The following UNC80 variants were observed in gnomAD, a reference collection of about 807,000 sequenced individuals.
The protein encoded by UNC80 is unc-80 subunit of NALCN channel complex.
In UNC80, 164 loss-of-function variants were observed where a neutral mutation model predicts 384.6. That is an observed-to-expected ratio of 0.43 (90% CI 0.38 to 0.49). The LOEUF (loss-of-function observed/expected upper bound fraction) is 0.49. UNC80 is among the 20% of genes least tolerant of loss of function. The pLI is 0.00. For missense variants in UNC80, 3,330 were observed against 4,143.0 expected (o/e 0.80, Z 5.39); for synonymous variants, 1,486 against 1,527.8 (o/e 0.97, Z 0.64).
At chr2:209,970,703 A>T (rs2092859146) in intron 53 of UNC80, 129 bp from the exon 54 acceptor site, 1 of 1,226,194 alleles carries the variant, frequency 8.2e-7, no homozygotes, top group African/African-American at 1.5e-5. Context: ...ACAAGAAAGA[A>T]AAGATTGAAA....
chr2:209,879,886 A>G (rs1428464717), intron 24 of UNC80, among the ~76,000 whole-genome samples: 1 of 152,212 alleles, frequency 6.6e-6, no homozygotes, highest in Non-Finnish European at 1.5e-5. Context: ...CGATAGCTTA[A>G]ATATCTACAG....
intron 22 of UNC80, among the ~76,000 whole-genome samples, chr2:209,866,752 A>G (rs73076801): frequency 0.068 from 10,306 of 152,194 alleles, 1,177 homozygotes; most frequent in African/African-American, 0.24. Context: ...ATCAACTTTC[A>G]TCATCTAATT....
At chr2:209,856,013 T>C (rs2082886888) in intron 22 of UNC80, among the ~76,000 whole-genome samples, 1 of 152,292 alleles carries the variant, frequency 6.6e-6, no homozygotes, top group South Asian at 2.1e-4. Flanking sequence ...AGTAAAATTA[T>C]TGAGTTACAA....
intron 7 of UNC80, among the ~76,000 whole-genome samples, chr2:209,812,520 A>G (rs938122747): frequency 6.6e-6 from 1 of 152,096 alleles, no homozygotes; most frequent in African/African-American, 2.4e-5. Context: ...GTTTTTTGTG[A>G]GAGCACTTTG....
intron 53 of UNC80, chr2:209,970,235 A>G (rs1408617737): frequency 9.6e-5 from 24 of 250,874 alleles, no homozygotes; most frequent in Non-Finnish European, 1.5e-5. Flanking sequence ...GGGGTGGGGA[A>G]CTTAAAATGC....
intron 23 of UNC80, among the ~76,000 whole-genome samples, chr2:209,875,964 C>A (rs1333063332): frequency 6.6e-6 from 1 of 152,082 alleles, no homozygotes; most frequent in African/African-American, 2.4e-5. Flanking sequence ...GATTTTAATG[C>A]ATCCATCATC....
chr2:209,937,472 G>A lies in UNC80; in HGVS notation c.6364-57G>A, dbSNP rs544839802. 6 of 1,295,334 alleles carry A rather than the reference G, an allele frequency of 4.6e-6. No homozygotes were observed. The African/African-American group carries it at 5.9e-5, about 13-fold the overall frequency. The allele number at this position is 1,295,334 out of a possible 1,614,324, so 80.2% of individuals were successfully genotyped here. A position where few individuals can be genotyped will look rare whatever the true frequency, so the allele number is the denominator to read the frequency against. On this transcript the variant is annotated intron_variant, in intron 41 of 64. Transcript: ENST00000673920. ...AGATCTTTGGGTAAAGAAGAAATGA[G>A]AAAAGATGTTTAATCTTTTGAACTC...
chr2:209,881,663 A>G (rs1241709342), intron 25 of UNC80, among the ~76,000 whole-genome samples: 2 of 152,134 alleles, frequency 1.3e-5, no homozygotes, highest in African/African-American at 2.4e-5. Flanking sequence ...GCGTGCATGC[A>G]TATACACTCC....
chr2:209,849,255 G>A (rs575875908), intron 21 of UNC80, among the ~76,000 whole-genome samples, 196 bp from the exon 22 acceptor site: 81 of 152,208 alleles, frequency 5.3e-4, no homozygotes, highest in African/African-American at 1.9e-3. Context: ...CATATGTCAT[G>A]TGTCACCAGA....
intron 54 of UNC80, 145 bp downstream of exon 54, chr2:209,971,102 C>A: frequency 8.5e-7 from 1 of 1,175,418 alleles, no homozygotes; most frequent in Non-Finnish European, 1.2e-6. Flanking sequence ...AGATTTGGAG[C>A]TTCAGCCCTG....
Position 209,959,136 on chromosome 2 carries a change from C to G in UNC80, c.7568C>G (p.Ala2523Gly). 6.4e-7 allele frequency: 1 copy of G among 1,552,070 alleles called. No individual in the cohort carries two copies. The highest frequency in any genetic ancestry group is 8.7e-7 in the Non-Finnish European group (1 of 1,147,000). ...GVNTRYQEQG[A>G]KLHFIRENLH... is the part of the protein sequence containing the mutation. ...ACTCCCAGGTACCAGGAACAAGGAG[C>G]CAAACTGCACTTTATCAGGTACAGA... The change falls in exon 50 of 65, where the codon GCC (alanine) becomes GGC (glycine). Residue 2523 changes from alanine to glycine, a missense_variant. Ala to Gly is a moderately conservative substitution (Grantham distance 60). Transcript: ENST00000673920.
At chr2:209,807,919 G>A (rs2079010827) in intron 7 of UNC80, among the ~76,000 whole-genome samples, 1 of 152,102 alleles carries the variant, frequency 6.6e-6, no homozygotes, top group Admixed American at 6.6e-5. Flanking sequence ...GCTACTGAAC[G>A]TCTTGTTAAT....
In UNC80 at chr2:209,829,276, G is replaced by T; in HGVS notation, c.2523G>T (p.Gln841His). 1.3e-6 allele frequency: 2 copies of T among 1,551,436 alleles called. No individual in the cohort carries two copies. The highest frequency in any genetic ancestry group is 1.7e-6 in the Non-Finnish European group (2 of 1,146,792). ...AGCTATACAAGCTAGATAAGATGCA[G>T]TTCCGACAAACCATGAGGGACTATG... ...LTKLYKLDKM[Q>H]FRQTMRDYVN... Residue 841 changes from glutamine to histidine, a missense_variant, in exon 15 of 65, where the codon CAG becomes CAT. This residue lies in a region of UNC80 where 937 missense variants were observed against 1,026.8 expected (regional missense o/e 0.91). Coordinates refer to ENST00000673920, the MANE Select transcript of UNC80 (RefSeq NM_001371986.1).
chr2:209,866,444 A>G (rs1483222578), intron 22 of UNC80, among the ~76,000 whole-genome samples: 3 of 150,918 alleles, frequency 2.0e-5, no homozygotes, highest in African/African-American at 7.3e-5. Flanking sequence ...GGGATTGGGT[A>G]AATACCAAAG....
intron 35 of UNC80, among the ~76,000 whole-genome samples, chr2:209,922,598 A>G (rs2090125371): frequency 6.6e-6 from 1 of 152,186 alleles, no homozygotes; most frequent in African/African-American, 2.4e-5. Context: ...TTTTAATTAC[A>G]TTGCATGTAA....
intron 2 of UNC80, among the ~76,000 whole-genome samples, chr2:209,775,529 G>A (rs73074776): frequency 0.015 from 2,294 of 152,086 alleles, 69 homozygotes; most frequent in African/African-American, 0.052. Flanking sequence ...TGGATGACTC[G>A]GCAACATTTT....
chr2:209,890,549 A>G (rs758038054), intron 26 of UNC80, among the ~76,000 whole-genome samples: 2 of 152,228 alleles, frequency 1.3e-5, no homozygotes, highest in African/African-American at 4.8e-5. Flanking sequence ...ATAAGATGTC[A>G]TCTCTTGCAT....
chr2:209,977,745 A>G (rs2093049342), intron 58 of UNC80, among the ~76,000 whole-genome samples: 1 of 152,218 alleles, frequency 6.6e-6, no homozygotes. Flanking sequence ...TTCTAAAGGT[A>G]TTCTTTGAGA....
rs2153826369 is a variant in UNC80, at chr2:209,802,175, T to C, written c.938+8316T>C. ...AGGGGGATGGATGGGGAAAGGGAGATGTTGATCAAAGGGTATAAAATTTCA... is the reference window on the plus strand; with the variant it reads ...AGGGGGATGGATGGGGAAAGGGAGACGTTGATCAAAGGGTATAAAATTTCA... On this transcript the variant is annotated intron_variant, in intron 7 of 64. Transcript: ENST00000673920. 1.3e-5 allele frequency among the ~76,000 whole-genome samples: 2 copies of C among 152,184 alleles called. 1 individual carries two copies. Among genetic ancestry groups the C allele is most frequent in the South Asian group, 4.1e-4 (2 of 4,820 alleles).
Sources: gnomAD v4.1 joint callset for allele counts (sites outside exome capture counted in the v4.1 genomes callset) on GRCh38, gnomAD v4.1.1 for gene constraint, gnomAD v4.1.1 regional missense constraint, MANE v1.5 for transcripts, NCBI Gene and HGNC (gene_info 2026-07-23, HGNC 2026-07-21) for gene names.